The following CFAP20DC variants were observed in gnomAD, a reference collection of about 807,000 sequenced individuals.
CFAP20DC encodes the protein protein CFAP20DC.
CFAP20DC carries 84 observed loss-of-function variants against 101.7 expected under a neutral mutation model. The observed-to-expected ratio is 0.83, with a 90% CI of 0.69 to 0.99. The LOEUF is 0.99. Among genes scored for constraint, CFAP20DC ranks in the 50% least tolerant of loss-of-function variants. CFAP20DC has a pLI of 0.00. For missense variants in CFAP20DC, 1,007 were observed against 970.3 expected (o/e 1.04, Z -0.50); for synonymous variants, 359 against 351.2 (o/e 1.02, Z -0.25).
At position 59,015,816 on chromosome 3, in the gene CFAP20DC, G is replaced by A. The variant is rs1348725360; in HGVS notation, c.278+23741C>T. On this transcript the variant is annotated intron_variant, in intron 4 of 16. Transcript: ENST00000482387. This position sits in a 1 kb window ranked among gnomAD's most constrained non-coding sequence, Gnocchi z 5.4. ...AGGCTAAACAAAAGAGATGGAGGCTGTAGAGCTGGGGACAACAACCTTTCT... is the reference window on the plus strand; with the variant it reads ...AGGCTAAACAAAAGAGATGGAGGCTATAGAGCTGGGGACAACAACCTTTCT... 6.6e-6 allele frequency among the ~76,000 whole-genome samples: 1 copy of A among 152,168 alleles called. No individual in the cohort carries two copies. The highest frequency in any genetic ancestry group is 1.5e-5 in the Non-Finnish European group (1 of 68,010).
chr3:58,748,770 G>T (rs1031765357), intron 16 of CFAP20DC, among the ~76,000 whole-genome samples: 2 of 152,196 alleles, frequency 1.3e-5, no homozygotes, highest in Non-Finnish European at 2.9e-5. Flanking sequence ...TTTCACTCAT[G>T]TGGTTCTTAT....
chr3:58,862,312 A>G (rs750405007), intron 12 of CFAP20DC: 43 of 985,256 alleles, frequency 4.4e-5, no homozygotes, highest in Non-Finnish European at 5.2e-5. Context: ...AGCTGGGATG[A>G]GGACACTATT....
chr3:59,003,741 C>T (rs570995255), intron 4 of CFAP20DC, among the ~76,000 whole-genome samples: 1 of 152,314 alleles, frequency 6.6e-6, no homozygotes, highest in African/African-American at 2.4e-5. Context: ...CTGACTTTGC[C>T]ACATTATAGC....
chr3:59,011,837 T>C (rs1271094340), intron 4 of CFAP20DC, among the ~76,000 whole-genome samples: 1 of 152,196 alleles, frequency 6.6e-6, no homozygotes, highest in Non-Finnish European at 1.5e-5. Context: ...AGGTAATTGA[T>C]GAAGATTATT....
intron 5 of CFAP20DC, among the ~76,000 whole-genome samples, chr3:58,921,604 T>C (rs1294058804): frequency 6.6e-6 from 1 of 152,190 alleles, no homozygotes; most frequent in East Asian, 1.9e-4. Flanking sequence ...GGGCATCCTA[T>C]GTATGATTTC....
At chr3:58,970,254 G>T (rs1202125648) in intron 4 of CFAP20DC, 1 of 152,106 alleles carries the variant, frequency 6.6e-6, no homozygotes, top group Non-Finnish European at 1.5e-5. Flanking sequence ...ATGTGATTGT[G>T]ACCTTATTTG....
chr3:58,753,045 CACCAGA>C (rs1291370104), intron 16 of CFAP20DC, among the ~76,000 whole-genome samples: 2 of 152,136 alleles, frequency 1.3e-5, no homozygotes, highest in East Asian at 3.9e-4. Flanking sequence ...CCTCAGTTTT[CACCAGA>C]GATTCTCTTA....
intron 15 of CFAP20DC, among the ~76,000 whole-genome samples, chr3:58,805,181 T>C (rs1427024948): frequency 6.6e-6 from 1 of 152,206 alleles, no homozygotes; most frequent in Non-Finnish European, 1.5e-5. Flanking sequence ...ACGTAGTCTG[T>C]TAGCCTCTAC....
intron 16 of CFAP20DC, among the ~76,000 whole-genome samples, chr3:58,750,334 A>G (rs189270425): frequency 6.6e-6 from 1 of 152,326 alleles, no homozygotes. Context: ...CATCTCTGAT[A>G]GAGGTATGAT....
In CFAP20DC at chr3:58,721,704, G is replaced by A. The variant is rs1303602226; in HGVS notation, c.198-4076C>T. On this transcript the variant is annotated intron_variant, in intron 3 of 3. Coordinates refer to the CFAP20DC transcript ENST00000486145. The surrounding 1 kb of genome is among the most constrained non-coding windows in gnomAD (Gnocchi z 5.2). ...TATCCCACAGGACTTGGATGGCCAC[G>A]ATGCACAGCATCTAATTTGTGGATT... Among the ~76,000 whole-genome samples, 4 of 152,310 alleles carry A rather than the reference G, an allele frequency of 2.6e-5. No homozygotes were observed. Among genetic ancestry groups the A allele is most frequent in the East Asian group, 1.9e-4 (1 of 5,170 alleles).
intron 6 of CFAP20DC, among the ~76,000 whole-genome samples, chr3:58,903,228 A>T (rs115497837): frequency 1.3e-5 from 2 of 152,144 alleles, no homozygotes; most frequent in African/African-American, 4.8e-5. Flanking sequence ...ACTATTGACA[A>T]TGCAAGGTCA....
At chr3:58,989,336 T>G (rs539704054) in intron 4 of CFAP20DC, among the ~76,000 whole-genome samples, 24 of 152,260 alleles carry the variant, frequency 1.6e-4, no homozygotes, top group African/African-American at 5.1e-4. Flanking sequence ...AGGAAGCCAA[T>G]GTACTTAGTA....
chr3:58,940,307 A>G (rs1011766747), intron 4 of CFAP20DC, among the ~76,000 whole-genome samples: 1 of 152,254 alleles, frequency 6.6e-6, no homozygotes, highest in African/African-American at 2.4e-5. Context: ...TTCATGAAAT[A>G]TAGTTTACCA....
At chr3:59,046,411 A>G in intron 2 of CFAP20DC, 89 bp from the exon 3 acceptor site, 1 of 803,404 alleles carries the variant, frequency 1.2e-6, no homozygotes, top group Non-Finnish European at 1.9e-6. Flanking sequence ...ACAGGGAAAA[A>G]AAAATCCCAT....
intron 6 of CFAP20DC, among the ~76,000 whole-genome samples, chr3:58,904,529 G>A (rs1441765565): frequency 3.3e-5 from 5 of 152,112 alleles, no homozygotes; most frequent in African/African-American, 9.7e-5. Flanking sequence ...AAACTAATGA[G>A]ATTTGGGTAT....
chr3:58,934,029 A>C (rs1399274884), intron 5 of CFAP20DC, among the ~76,000 whole-genome samples: 1 of 152,230 alleles, frequency 6.6e-6, no homozygotes, highest in Non-Finnish European at 1.5e-5. Context: ...CACTAGCAAG[A>C]CTAATAAAGA....
At chr3:58,933,218 C>T (rs1157747116) in intron 5 of CFAP20DC, among the ~76,000 whole-genome samples, 2 of 152,018 alleles carry the variant, frequency 1.3e-5, no homozygotes, top group South Asian at 2.1e-4. Flanking sequence ...ACAAGAACAG[C>T]TAACTATCCT....
intron 5 of CFAP20DC, among the ~76,000 whole-genome samples, chr3:58,922,336 T>C (rs890295409): frequency 8.5e-5 from 13 of 152,190 alleles, no homozygotes; most frequent in African/African-American, 2.9e-4. Context: ...ACCTCCTCAA[T>C]TGGCTGACTA....
chr3:58,921,175 C>G (rs1195466505), intron 5 of CFAP20DC, among the ~76,000 whole-genome samples: 1 of 151,888 alleles, frequency 6.6e-6, no homozygotes, highest in Non-Finnish European at 1.5e-5. Context: ...TGATTTATCA[C>G]TTTTATTAAT....
Sources: gnomAD v4.1 joint callset for allele counts (sites outside exome capture counted in the v4.1 genomes callset) on GRCh38, gnomAD v4.1.1 for gene constraint, Gnocchi (gnomAD v3.1) non-coding constraint, MANE v1.5 for transcripts, NCBI Gene and HGNC (gene_info 2026-07-23, HGNC 2026-07-21) for gene names.